The following CCDC47 variants were observed in gnomAD, a reference collection of about 807,000 sequenced individuals.
CCDC47 encodes PAT complex subunit CCDC47.
A neutral mutation model predicts 60.5 loss-of-function variants in CCDC47; 41 were observed. That is an observed-to-expected ratio of 0.68 (90% CI 0.53 to 0.88). The LOEUF is 0.88. CCDC47 is among the 40% of genes least tolerant of loss of function. The pLI, the probability that CCDC47 is intolerant of heterozygous loss-of-function variation, is 0.00. For synonymous variants in CCDC47, 195 were observed against 190.7 expected, an observed-to-expected ratio of 1.02 and a Z score of -0.18; for missense variants, 513 against 580.9, an observed-to-expected ratio of 0.88 and a Z score of 1.20.
chr17:63,751,041 A>ATT (rs11322927), intron 12 of CCDC47, among the ~76,000 whole-genome samples: 1 of 143,820 alleles, frequency 7.0e-6, no homozygotes, highest in Non-Finnish European at 1.5e-5. Context: ...TGCACAGCTA[A>ATT]TTTTTTTTTT....
At chr17:63,760,237 A>G (rs1353480640) in intron 6 of CCDC47, among the ~76,000 whole-genome samples, 1 of 152,130 alleles carries the variant, frequency 6.6e-6, no homozygotes, top group Non-Finnish European at 1.5e-5. Flanking sequence ...GAAGCAAAAC[A>G]TATTTGAGAA....
At chr17:63,761,889 A>C in intron 4 of CCDC47, 1 of 795,194 alleles carries the variant, frequency 1.3e-6, no homozygotes, top group Non-Finnish European at 1.5e-6. Context: ...TTCTAAGCAC[A>C]TGCTTGTCAG....
chr17:63,761,402 C>T (rs779486883), intron 4 of CCDC47, 51 bp from the exon 5 acceptor site: 4 of 1,604,892 alleles, frequency 2.5e-6, no homozygotes, highest in African/African-American at 2.7e-5. Context: ...CAAGGCCGGG[C>T]CGGGGGTGGT....
intron 3 of CCDC47, among the ~76,000 whole-genome samples, 164 bp from the exon 4 acceptor site, chr17:63,764,354 G>C (rs898497443): frequency 5.3e-5 from 8 of 152,070 alleles, no homozygotes; most frequent in Non-Finnish European, 1.2e-4. Context: ...ACTTTTCTAG[G>C]CTAGCTTGAT....
rs111636437 is a variant in CCDC47 at position 63,752,781 on chromosome 17, C to T, written c.1053G>A (p.Lys351=). 20 of 1,611,784 alleles carry T rather than the reference C, an allele frequency of 1.2e-5. No individual in the cohort carries two copies. The African/African-American group carries it at 2.3e-4, about 18-fold the overall frequency. ...ACAGTGTCCTCTTAGTGTCAGGTAG[C>T]TTTAAAGGCTGACCTTCCCTGTCAT... ...KIMQEEGQPL[K]LPDTKRTLLF... The change falls in exon 10 of 13, where the codon AAG becomes AAA. Residue 351 remains lysine (K), a synonymous_variant. Transcript: ENST00000225726.
rs1009782725 is a variant in CCDC47 at position 63,773,470 on chromosome 17, G to C, written c.-78C>G. ...TGCGTCCGACACCCCTGCCCGGCCT[G>C]CCTCTCGGCCTGGCCGCCGCCTCCG... On this transcript the variant is annotated 5_prime_UTR_variant, in exon 1 of 13. Transcript: ENST00000225726. 2.6e-5 allele frequency: 4 copies of C among 153,038 alleles called. No homozygotes were observed. Among genetic ancestry groups the C allele is most frequent in the African/African-American group, 9.6e-5 (4 of 41,466 alleles). 9.5% of individuals were successfully genotyped at this position (153,038 alleles called of 1,614,324 possible). A position where few individuals can be genotyped will look rare whatever the true frequency, so the allele number is the denominator to read the frequency against.
chr17:63,760,565 G>A (rs375607242), intron 6 of CCDC47, among the ~76,000 whole-genome samples: 5 of 152,204 alleles, frequency 3.3e-5, no homozygotes, highest in Admixed American at 1.3e-4. Context: ...TGGGGAAAGC[G>A]TGATGGCTCA....
chr17:63,754,564 T>C (rs1380160399), intron 8 of CCDC47, 46 bp from the exon 9 acceptor site: 2 of 1,193,940 alleles, frequency 1.7e-6, no homozygotes, highest in African/African-American at 3.1e-5. Flanking sequence ...GTTTAATGCA[T>C]TTCCCTTTTT....
At chr17:63,763,715 T>C (rs961525692) in intron 4 of CCDC47, among the ~76,000 whole-genome samples, 3 of 148,034 alleles carry the variant, frequency 2.0e-5, no homozygotes, top group Non-Finnish European at 1.5e-5. Flanking sequence ...TCCCAGCTAC[T>C]TGGGAGGCTG....
At chr17:63,770,172 A>C (rs1347121371) in intron 1 of CCDC47, among the ~76,000 whole-genome samples, 3 of 152,002 alleles carry the variant, frequency 2.0e-5, no homozygotes, top group Non-Finnish European at 4.4e-5. Flanking sequence ...CATGTTGGCC[A>C]GGTTGGTCTC....
At chr17:63,755,077 C>T (rs1598306509) in intron 8 of CCDC47, among the ~76,000 whole-genome samples, 1 of 152,000 alleles carries the variant, frequency 6.6e-6, no homozygotes, top group Admixed American at 6.6e-5. Flanking sequence ...CTCAAGTGAT[C>T]TTCCTGCCTC....
intron 4 of CCDC47, among the ~76,000 whole-genome samples, chr17:63,762,883 T>A (rs2039270841): frequency 6.6e-6 from 1 of 152,246 alleles, no homozygotes; most frequent in Admixed American, 6.5e-5. Flanking sequence ...TTAGCAATTT[T>A]ACTGCTGACT....
At chr17:63,748,524 G>A (rs143125941) in intron 12 of CCDC47, among the ~76,000 whole-genome samples, 10 of 151,984 alleles carry the variant, frequency 6.6e-5, no homozygotes, top group Non-Finnish European at 1.0e-4. Flanking sequence ...TCCCAGGTTC[G>A]ATCCCAATGT....
At chr17:63,752,294 T>C (rs373538452) in intron 11 of CCDC47, 26 bp downstream of exon 11, 4 of 1,537,170 alleles carry the variant, frequency 2.6e-6, no homozygotes, top group African/African-American at 2.7e-5. Context: ...GGTGCCAATT[T>C]ATATAATACA....
chr17:63,761,478 G>A (rs1389991037), intron 4 of CCDC47, 127 bp from the exon 5 acceptor site: 20 of 840,610 alleles, frequency 2.4e-5, no homozygotes, highest in African/African-American at 5.3e-5. Flanking sequence ...TCAGGAGTTC[G>A]AGACCAGCCT....
intron 12 of CCDC47, among the ~76,000 whole-genome samples, chr17:63,749,141 T>A (rs2039142829): frequency 6.6e-6 from 1 of 152,042 alleles, no homozygotes; most frequent in Non-Finnish European, 1.5e-5. Flanking sequence ...GCGTAGTGGC[T>A]CACGCCTGTA....
chr17:63,748,118 G>A (rs1272682841), intron 12 of CCDC47, among the ~76,000 whole-genome samples: 3 of 147,512 alleles, frequency 2.0e-5, no homozygotes, highest in South Asian at 2.1e-4. Context: ...GCCTCCCAAC[G>A]TGCTGGGATT....
In CCDC47 at chr17:63,759,527, TTATATATATATATATATATATATA is replaced by T. The variant is rs770930100; in HGVS notation, c.735+1363_735+1386del. Among the ~76,000 whole-genome samples, 41 of 3,958 alleles carry T rather than the reference TTATATATATATATATATATATATA, an allele frequency of 0.01. 4 individuals carry two copies. In the East Asian group the frequency reaches 0.14, roughly 14 times the overall value. 2.6% of individuals were successfully genotyped at this position (3,958 alleles called of 152,430 possible). On this transcript the variant is annotated intron_variant, in intron 6 of 12. Coordinates refer to ENST00000225726, the MANE Select transcript of CCDC47 (RefSeq NM_020198.3). Reference sequence around the variant, plus strand: ...AAAAAAAATATATATATATATATATTTATATATATATATATATATATATATATATATATATATATATATATATAT... The same window carrying T: ...AAAAAAAATATATATATATATATATTTATATATATATATATATATATATAT...
chr17:63,772,228 T>C (rs1204330018), intron 1 of CCDC47, among the ~76,000 whole-genome samples: 1 of 151,592 alleles, frequency 6.6e-6, no homozygotes, highest in Non-Finnish European at 1.5e-5. Flanking sequence ...GCAGTGGGTA[T>C]TACGGGAGAT....
Sources: gnomAD v4.1 joint callset for allele counts (sites outside exome capture counted in the v4.1 genomes callset) on GRCh38, gnomAD v4.1.1 for gene constraint, MANE v1.5 for transcripts, NCBI Gene and HGNC (gene_info 2026-07-23, HGNC 2026-07-21) for gene names.